Variants in CNTNAP2 observed in about 807,000 individuals in gnomAD.
CNTNAP2 encodes the protein contactin associated protein 2.
A neutral mutation model predicts 155.2 loss-of-function variants in CNTNAP2; 98 were observed. The ratio of observed to expected loss-of-function variants is 0.63; its 90% CI spans 0.54 to 0.75. CNTNAP2 has a LOEUF of 0.75. CNTNAP2 is among the 30% of genes least tolerant of loss of function. The pLI is 0.00. For synonymous variants in CNTNAP2, 651 were observed against 631.2 expected (o/e 1.03, Z -0.47); for missense variants, 1,727 against 1,688.1 (o/e 1.02, Z -0.40).
chr7:148,122,939 G>A (rs993767740), intron 16 of CNTNAP2, among the ~76,000 whole-genome samples: 8 of 152,168 alleles, frequency 5.3e-5, no homozygotes, highest in African/African-American at 9.7e-5. Flanking sequence ...TTAAGTGGAC[G>A]GGAAGATCCT....
Position 147,817,884 on chromosome 7 carries a change from A to T in CNTNAP2, c.2099-85681A>T, listed in dbSNP as rs191668385. 5.6e-3 allele frequency among the ~76,000 whole-genome samples: 834 copies of T among 149,528 alleles called. 4 individuals carry two copies. The highest frequency in any genetic ancestry group is 0.017 in the Middle Eastern group (5 of 290). ...GGTGCCACTGCACTCCAGCCTGGGC[A>T]ACAGAGCGAGACTCTGTCTCAAAAA... is the stretch of plus-strand genomic sequence containing the variant. On this transcript the variant is annotated intron_variant, in intron 13 of 23. Coordinates refer to ENST00000361727, the MANE Select transcript of CNTNAP2 (RefSeq NM_014141.6).
At chr7:147,322,016 G>A (rs1210175898) in intron 9 of CNTNAP2, among the ~76,000 whole-genome samples, 1 of 152,178 alleles carries the variant, frequency 6.6e-6, no homozygotes, top group African/African-American at 2.4e-5. Context: ...GTTCCATGGA[G>A]TCAGGAAGCT....
chr7:147,745,712 C>T (rs1490747974), intron 13 of CNTNAP2, among the ~76,000 whole-genome samples: 1 of 152,160 alleles, frequency 6.6e-6, no homozygotes, highest in African/African-American at 2.4e-5. Context: ...ACAAAATGCT[C>T]TTTCTCTACT....
At chr7:146,720,991 A>G (rs1284625662) in intron 1 of CNTNAP2, among the ~76,000 whole-genome samples, 1 of 115,714 alleles carries the variant, frequency 8.6e-6, no homozygotes, top group South Asian at 2.4e-4. Context: ...TATATACTGT[A>G]TATATATAGT....
intron 8 of CNTNAP2, among the ~76,000 whole-genome samples, chr7:147,291,811 C>T (rs1805318570): frequency 1.3e-5 from 2 of 152,074 alleles, no homozygotes; most frequent in Non-Finnish European, 2.9e-5. Context: ...TAATTTTTGG[C>T]CACCGAAATG....
At chr7:147,530,325 G>A (rs896436160) in intron 11 of CNTNAP2, among the ~76,000 whole-genome samples, 7 of 151,876 alleles carry the variant, frequency 4.6e-5, no homozygotes, top group South Asian at 2.1e-4. Flanking sequence ...GACTATAGGC[G>A]TGTGCCTCCG....
intron 1 of CNTNAP2, among the ~76,000 whole-genome samples, chr7:146,651,939 A>G (rs971550399): frequency 6.6e-6 from 1 of 152,182 alleles, no homozygotes; most frequent in Non-Finnish European, 1.5e-5. Flanking sequence ...GGCTTATATT[A>G]TGATAGGCTG....
intron 1 of CNTNAP2, among the ~76,000 whole-genome samples, chr7:146,761,111 A>T (rs983125481): frequency 6.6e-6 from 1 of 152,132 alleles, no homozygotes; most frequent in African/African-American, 2.4e-5. Flanking sequence ...CACCTTCCAT[A>T]CATCCACTGT....
intron 21 of CNTNAP2, among the ~76,000 whole-genome samples, chr7:148,282,950 C>T (rs2116464377): frequency 6.6e-6 from 1 of 152,006 alleles, no homozygotes; most frequent in East Asian, 1.9e-4. Context: ...AGCCAAAATT[C>T]TAGGCTGGGC....
At chr7:147,727,729 G>A (rs1012779897) in intron 13 of CNTNAP2, among the ~76,000 whole-genome samples, 3 of 140,488 alleles carry the variant, frequency 2.1e-5, no homozygotes, top group African/African-American at 7.9e-5. Flanking sequence ...CTGGAAACAA[G>A]CCTGTTTCCA....
At chr7:148,193,229 A>G (rs1017982457) in intron 18 of CNTNAP2, among the ~76,000 whole-genome samples, 29 of 152,178 alleles carry the variant, frequency 1.9e-4, no homozygotes, top group African/African-American at 7.0e-4. Context: ...GTACTAAATT[A>G]TAGGCTTTTA....
chr7:147,559,934 G>A (rs1584813366), intron 11 of CNTNAP2, among the ~76,000 whole-genome samples: 1 of 151,082 alleles, frequency 6.6e-6, no homozygotes, highest in African/African-American at 2.4e-5. Flanking sequence ...ACTTTGAGAG[G>A]CCGAGGCGCA....
intron 13 of CNTNAP2, among the ~76,000 whole-genome samples, chr7:147,649,218 TA>T (rs1199202651): frequency 6.6e-6 from 1 of 152,116 alleles, no homozygotes. Flanking sequence ...GTCTTTAAAA[TA>T]ACAAATATAA....
At chr7:147,578,177 G>A (rs940205533) in intron 12 of CNTNAP2, among the ~76,000 whole-genome samples, 4 of 152,102 alleles carry the variant, frequency 2.6e-5, no homozygotes, top group Non-Finnish European at 4.4e-5. Flanking sequence ...TTATAAGCAT[G>A]TTTGATACTT....
At chr7:147,937,517 C>T (rs551604217) in intron 14 of CNTNAP2, among the ~76,000 whole-genome samples, 2 of 152,234 alleles carry the variant, frequency 1.3e-5, no homozygotes, top group South Asian at 4.1e-4. Context: ...AACCCTCAGA[C>T]TATACATTCT....
At chr7:148,318,414 TAATA>T (rs1797730518) in intron 21 of CNTNAP2, among the ~76,000 whole-genome samples, 1 of 152,178 alleles carries the variant, frequency 6.6e-6, no homozygotes, top group African/African-American at 2.4e-5. Context: ...TTTTTTTGCC[TAATA>T]AATAGGCAGT....
intron 8 of CNTNAP2, among the ~76,000 whole-genome samples, chr7:147,174,625 T>C (rs770622321): frequency 1.3e-5 from 2 of 152,196 alleles, no homozygotes. Flanking sequence ...GATATTACTA[T>C]ACTGACTTTA....
chr7:147,045,910 C>T (rs935849796), intron 4 of CNTNAP2, among the ~76,000 whole-genome samples: 5 of 151,736 alleles, frequency 3.3e-5, no homozygotes, highest in South Asian at 4.2e-4. Context: ...ATGGAGACTA[C>T]GTGTATGTGC....
intron 21 of CNTNAP2, among the ~76,000 whole-genome samples, chr7:148,299,408 T>C (rs1782716265): frequency 1.3e-5 from 2 of 152,244 alleles, no homozygotes; most frequent in African/African-American, 4.8e-5. Context: ...GCATTTCGCC[T>C]GGACCAGAGA....
Sources: gnomAD v4.1 joint callset for allele counts (sites outside exome capture counted in the v4.1 genomes callset) on GRCh38, gnomAD v4.1.1 for gene constraint, MANE v1.5 for transcripts, NCBI Gene and HGNC (gene_info 2026-07-23, HGNC 2026-07-21) for gene names.